TBC1D30: variants seen among roughly 807,000 people sequenced by gnomAD.
TBC1D30 encodes TBC1 domain family member 30.
In TBC1D30, 31 loss-of-function variants were observed where a neutral mutation model predicts 63.2. The observed-to-expected ratio is 0.49, with a 90% confidence interval of 0.37 to 0.66. The LOEUF (loss-of-function observed/expected upper bound fraction) is 0.66. TBC1D30 is among the 30% of genes least tolerant of loss of function. The pLI, the probability that TBC1D30 is intolerant of heterozygous loss-of-function variation, is 0.00. For missense variants in TBC1D30, 810 were observed against 953.6 expected, an observed-to-expected ratio of 0.85 and a Z score of 1.98; for synonymous variants, 307 against 361.5, an observed-to-expected ratio of 0.85 and a Z score of 1.71.
chr12:64,763,015 C>T (rs771568184), intron 1 of TBC1D30, among the ~76,000 whole-genome samples: 7 of 152,074 alleles, frequency 4.6e-5, no homozygotes, highest in Non-Finnish European at 8.8e-5. Context: ...CTTGATCTGT[C>T]TGCGCTCTTG....
chr12:64,824,601 C>T (rs996316566), upstream of TBC1D30: 3 of 348,270 alleles, frequency 8.6e-6, no homozygotes, highest in Non-Finnish European at 1.5e-5. Context: ...CGCGCTCGCT[C>T]GCTCGCTCGC....
intron 7 of TBC1D30, among the ~76,000 whole-genome samples, chr12:64,839,187 G>A (rs796374630): frequency 2.6e-5 from 4 of 152,298 alleles, no homozygotes; most frequent in African/African-American, 9.6e-5. Context: ...GTTAGGAGTA[G>A]GTGAATTTGT....
upstream of TBC1D30, among the ~76,000 whole-genome samples, chr12:64,820,445 C>G (rs141684268): frequency 1.3e-5 from 2 of 152,170 alleles, no homozygotes; most frequent in Admixed American, 6.5e-5. Context: ...CTGTGACATT[C>G]GGGGCATTTC....
chr12:64,848,269 G>T (rs1876561135), intron 8 of TBC1D30, among the ~76,000 whole-genome samples: 1 of 151,284 alleles, frequency 6.6e-6, no homozygotes, highest in African/African-American at 2.4e-5. Context: ...CAGTCTATGT[G>T]TATCTTTTTT....
chr12:64,863,845 T>A (rs1235123815), intron 8 of TBC1D30, among the ~76,000 whole-genome samples: 1 of 152,220 alleles, frequency 6.6e-6, no homozygotes, highest in Non-Finnish European at 1.5e-5. Flanking sequence ...AGGAAAGCAT[T>A]ATCAGGCTAT....
intron 1 of TBC1D30, among the ~76,000 whole-genome samples, chr12:64,781,503 T>C (rs1871286554): frequency 6.6e-6 from 1 of 152,068 alleles, no homozygotes; most frequent in African/African-American, 2.4e-5. Flanking sequence ...GTTGATGGAG[T>C]GGGCAGTTTC....
chr12:64,851,916 T>G (rs1876906978), intron 8 of TBC1D30, among the ~76,000 whole-genome samples: 1 of 152,228 alleles, frequency 6.6e-6, no homozygotes, highest in Admixed American at 6.5e-5. Flanking sequence ...CTTCCCTTTG[T>G]GGGTAAACCG....
chr12:64,825,041 C>A lies in TBC1D30; in HGVS notation c.154+8C>A. On this transcript the variant is annotated splice_region_variant and intron_variant, in intron 1 of 11. Transcript: ENST00000539867. ...TGTGCACCCTGGAGCCGGGTGAGGACCCCAGGGCTGCAGATGGGGCGCTGT... is the reference window on the plus strand; with the variant it reads ...TGTGCACCCTGGAGCCGGGTGAGGAACCCAGGGCTGCAGATGGGGCGCTGT... 6.5e-7 allele frequency: 1 copy of A among 1,529,544 alleles called. No individual in the cohort carries two copies. Among genetic ancestry groups the A allele is most frequent in the Non-Finnish European group, 8.7e-7 (1 of 1,144,228 alleles). The allele number at this position is 1,529,544 out of a possible 1,614,324, so 94.7% of individuals were successfully genotyped here. A position where few individuals can be genotyped will look rare whatever the true frequency, so the allele number is the denominator to read the frequency against.
chr12:64,808,141 T>C (rs914136374), intron 2 of TBC1D30, among the ~76,000 whole-genome samples: 1 of 152,058 alleles, frequency 6.6e-6, no homozygotes, highest in East Asian at 1.9e-4. Context: ...TCCCACTCTG[T>C]GCTCCAAGCA....
At chr12:64,850,503 C>G (rs752640873) in intron 8 of TBC1D30, among the ~76,000 whole-genome samples, 4 of 152,118 alleles carry the variant, frequency 2.6e-5, no homozygotes, top group Non-Finnish European at 4.4e-5. Flanking sequence ...TGAATTTTGT[C>G]GAAGGCCTTT....
At chr12:64,864,263 A>C (rs547141007) in intron 8 of TBC1D30, among the ~76,000 whole-genome samples, 2 of 152,380 alleles carry the variant, frequency 1.3e-5, no homozygotes, top group South Asian at 4.1e-4. Context: ...CTGACATTAA[A>C]TGTCTAAAAA....
intron 1 of TBC1D30, among the ~76,000 whole-genome samples, chr12:64,771,693 AATGG>A (rs1870911199): frequency 6.6e-6 from 1 of 152,206 alleles, no homozygotes; most frequent in African/African-American, 2.4e-5. Flanking sequence ...GCAAGGTAGA[AATGG>A]ATGATAGCTG....
In TBC1D30 at chr12:64,824,984, C is replaced by T. The variant is rs1468502594; in HGVS notation, c.105C>T (p.Arg35=). The T allele has an allele frequency of 6.5e-7, 1 of 1,534,676 alleles. No homozygotes were observed. Among genetic ancestry groups the T allele is most frequent in the Admixed American group, 2.0e-5 (1 of 50,956 alleles). The change falls in exon 1 of 12, where the codon CGC becomes CGT. Residue 35 remains arginine, a synonymous_variant. Coordinates refer to ENST00000539867, the MANE Select transcript of TBC1D30 (RefSeq NM_015279.2). The part of the protein sequence containing the change: ...GTILSNVLKK[R]SCISRTAPRL... ...TCCTGAGCAATGTGCTCAAGAAGCG[C>T]AGCTGCATTTCCCGGACCGCGCCCC...
At chr12:64,833,642 T>C (rs1875070731) in intron 5 of TBC1D30, among the ~76,000 whole-genome samples, 1 of 152,252 alleles carries the variant, frequency 6.6e-6, no homozygotes, top group Admixed American at 6.5e-5. Context: ...CTCTTGGTTT[T>C]ATACAAATGA....
At chr12:64,834,306 A>G (rs1345950207) in intron 5 of TBC1D30, among the ~76,000 whole-genome samples, 1 of 150,522 alleles carries the variant, frequency 6.6e-6, no homozygotes, top group Non-Finnish European at 1.5e-5. Context: ...TAGGTGAACC[A>G]TTTTTCCTGC....
In TBC1D30 at chr12:64,875,522, G is replaced by A. The variant is rs748640983; in HGVS notation, c.2020G>A (p.Val674Met). 1 of 1,536,092 alleles carries A rather than the reference G, an allele frequency of 6.5e-7. No homozygotes were observed. Among genetic ancestry groups the A allele is most frequent in the South Asian group, 1.2e-5 (1 of 84,046 alleles). Residue 674 changes from valine to methionine, a missense_variant, in exon 12 of 12, where the codon GTG becomes ATG. Physicochemically the swap from Val to Met is conservative, Grantham distance 21. Coordinates refer to ENST00000539867, the MANE Select transcript of TBC1D30 (RefSeq NM_015279.2). ...TGCTGCAGCTGAAACTGAGCTCAGG[G>A]TGCACCCACCCTGCCAGCGGCACTG... Reference protein sequence around the residue: ...RDAAAETELRVHPPCQRHCPE... With the variant: ...RDAAAETELRMHPPCQRHCPE...
chr12:64,789,567 A>C (rs1055145952), intron 2 of TBC1D30, among the ~76,000 whole-genome samples: 1 of 152,198 alleles, frequency 6.6e-6, no homozygotes, highest in African/African-American at 2.4e-5. Context: ...TTAATACACA[A>C]AAGGGAATAT....
intron 3 of TBC1D30, 70 bp downstream of exon 3, chr12:64,828,579 CA>C: frequency 1.4e-5 from 14 of 996,708 alleles, no homozygotes; most frequent in East Asian, 5.3e-5. Context: ...TCTGGAATGT[CA>C]AAAAATATAT....
chr12:64,823,714 TCTTGGGGCTA>T, upstream of TBC1D30, among the ~76,000 whole-genome samples: 1 of 152,302 alleles, frequency 6.6e-6, no homozygotes. Context: ...GGCCTCAAAC[TCTTGGGGCTA>T]AGCAATTTTC....
Sources: gnomAD v4.1 joint callset for allele counts (sites outside exome capture counted in the v4.1 genomes callset) on GRCh38, gnomAD v4.1.1 for gene constraint, MANE v1.5 for transcripts, NCBI Gene and HGNC (gene_info 2026-07-23, HGNC 2026-07-21) for gene names.